MAML3: variants seen among roughly 807,000 people sequenced by gnomAD.
The protein encoded by MAML3 is mastermind-like protein 3.
A neutral mutation model predicts 101.9 loss-of-function variants in MAML3; 27 were observed. The observed-to-expected ratio is 0.27, with a 90% confidence interval of 0.20 to 0.37. The LOEUF (loss-of-function observed/expected upper bound fraction) is 0.37, where lower values mean the gene tolerates loss of function less well. Among genes scored for constraint, MAML3 ranks in the 10% least tolerant of loss-of-function variants. The pLI, the probability that MAML3 is intolerant of heterozygous loss-of-function variation, is 1.00. For synonymous variants in MAML3, 501 were observed against 555.9 expected (o/e 0.90, Z 1.39); for missense variants, 1,316 against 1,444.9 (o/e 0.91, Z 1.45).
At chr4:139,754,015 A>C (rs1729590176) in intron 2 of MAML3, among the ~76,000 whole-genome samples, 1 of 152,246 alleles carries the variant, frequency 6.6e-6, no homozygotes, top group Admixed American at 6.5e-5. Context: ...AATTAATACT[A>C]CCTACTATGC....
intron 2 of MAML3, among the ~76,000 whole-genome samples, chr4:139,779,246 G>A (rs1320439255): frequency 1.3e-5 from 2 of 152,020 alleles, no homozygotes; most frequent in East Asian, 1.9e-4. Context: ...GTCTTTGGGG[G>A]GGCTCTATAA....
chr4:139,877,238 G>A lies in MAML3; in HGVS notation c.2079+12119C>T, dbSNP rs60131863. Among the ~76,000 whole-genome samples, 179 of 152,122 alleles carry A rather than the reference G, an allele frequency of 1.2e-3. 1 individual carries two copies. Among genetic ancestry groups the A allele is most frequent in the Middle Eastern group, 3.4e-3 (1 of 294 alleles). On this transcript the variant is annotated intron_variant, in intron 2 of 4. Coordinates refer to ENST00000509479, the MANE Select transcript of MAML3 (RefSeq NM_018717.5). Reference sequence around the variant, plus strand: ...TTTTGATTCTCTATGTACTAGATCCGCTGCAAACCATTTGTTGTCATAAAG... The same window carrying A: ...TTTTGATTCTCTATGTACTAGATCCACTGCAAACCATTTGTTGTCATAAAG...
chr4:139,905,940 C>T (rs1461254153), intron 1 of MAML3, among the ~76,000 whole-genome samples: 1 of 152,146 alleles, frequency 6.6e-6, no homozygotes, highest in Non-Finnish European at 1.5e-5. Context: ...TGAGAGGACA[C>T]AACTCAGCCC....
At chr4:139,772,062 A>G (rs977701651) in intron 2 of MAML3, among the ~76,000 whole-genome samples, 3 of 150,828 alleles carry the variant, frequency 2.0e-5, no homozygotes, top group African/African-American at 7.3e-5. Context: ...ACACGGTGAA[A>G]CCCCCGTCTC....
Position 140,128,448 on chromosome 4 carries a change from C to T in MAML3, c.468+24412G>A, listed in dbSNP as rs147468068. ...ATCCAAAGTACTATTTCAGACCCAG[C>T]AGCACCCCTGCCTTTAAGGAGCCCC... On this transcript the variant is annotated intron_variant, in intron 1 of 4. Transcript: ENST00000509479. Among the ~76,000 whole-genome samples the T allele has an allele frequency of 2.0e-5, 3 of 152,322 alleles. No homozygotes were observed. In the East Asian group the frequency reaches 5.8e-4, roughly 29 times the overall value.
intron 2 of MAML3, among the ~76,000 whole-genome samples, chr4:139,787,719 TTAAATTA>T (rs930500637): frequency 6.6e-6 from 1 of 152,226 alleles, no homozygotes; most frequent in Non-Finnish European, 1.5e-5. Context: ...ACCATGACTC[TTAAATTA>T]TTTTACTATG....
At chr4:139,858,558 A>C (rs1731709938) in intron 2 of MAML3, among the ~76,000 whole-genome samples, 1 of 151,958 alleles carries the variant, frequency 6.6e-6, no homozygotes, top group Admixed American at 6.6e-5. Flanking sequence ...TTGAATGCTA[A>C]GACCATGTCA....
intron 1 of MAML3, among the ~76,000 whole-genome samples, chr4:140,092,684 G>T (rs529249660): frequency 6.6e-6 from 1 of 152,158 alleles, no homozygotes; most frequent in Non-Finnish European, 1.5e-5. Flanking sequence ...AGAAAACACC[G>T]GGAGGAGAGC....
At chr4:139,725,641 G>C in intron 4 of MAML3, 110 bp downstream of exon 4, 3 of 1,037,986 alleles carry the variant, frequency 2.9e-6, no homozygotes, top group Non-Finnish European at 4.4e-6. Flanking sequence ...TACATATTTT[G>C]AGTATTTCCT....
intron 1 of MAML3, among the ~76,000 whole-genome samples, chr4:140,050,402 A>T (rs1727247695): frequency 6.6e-6 from 1 of 151,870 alleles, no homozygotes; most frequent in Non-Finnish European, 1.5e-5. Context: ...ACAAAGCCCA[A>T]CACTCTGGAG....
intron 1 of MAML3, among the ~76,000 whole-genome samples, chr4:139,926,070 C>G (rs545788380): frequency 4.7e-4 from 71 of 152,238 alleles, no homozygotes; most frequent in Non-Finnish European, 8.7e-4. Flanking sequence ...AGGATTCAGA[C>G]AGAGCTGTAT....
chr4:140,083,959 CACACACACAGAGAGAGAG>C (rs1488846408), intron 1 of MAML3, among the ~76,000 whole-genome samples: 27 of 29,186 alleles, frequency 9.3e-4, no homozygotes, highest in African/African-American at 2.5e-3. Flanking sequence ...CACACACACA[CACACACACAGAGAGAGAG>C]AGAGAGAGAG....
At chr4:139,886,976 T>A (rs1732353501) in intron 2 of MAML3, among the ~76,000 whole-genome samples, 2 of 152,218 alleles carry the variant, frequency 1.3e-5, no homozygotes, top group African/African-American at 4.8e-5. Context: ...GCTGCTGAAG[T>A]CATTCATTAA....
At chr4:139,828,122 T>C (rs1180346687) in intron 2 of MAML3, among the ~76,000 whole-genome samples, 1 of 152,256 alleles carries the variant, frequency 6.6e-6, no homozygotes, top group East Asian at 1.9e-4. Context: ...TGTAGGTTCC[T>C]ACATACAATT....
At chr4:139,927,280 T>C (rs1158582433) in intron 1 of MAML3, among the ~76,000 whole-genome samples, 2 of 152,142 alleles carry the variant, frequency 1.3e-5, no homozygotes, top group Non-Finnish European at 2.9e-5. Flanking sequence ...ATAAAAATGA[T>C]GTTGTGTCCT....
At chr4:139,833,060 T>A (rs909686754) in intron 2 of MAML3, among the ~76,000 whole-genome samples, 6 of 152,258 alleles carry the variant, frequency 3.9e-5, no homozygotes, top group Non-Finnish European at 7.3e-5. Context: ...GTATCACCTT[T>A]TCTGTTGTGA....
intron 1 of MAML3, among the ~76,000 whole-genome samples, chr4:139,952,908 G>A (rs140707399): frequency 6.6e-6 from 1 of 152,318 alleles, no homozygotes; most frequent in African/African-American, 2.4e-5. Context: ...GAGCTACAAG[G>A]TGGAAGGAGC....
intron 1 of MAML3, among the ~76,000 whole-genome samples, chr4:139,929,283 A>G (rs1733330982): frequency 1.3e-5 from 2 of 152,248 alleles, no homozygotes; most frequent in African/African-American, 4.8e-5. Flanking sequence ...TACACTAAAA[A>G]GCAAAATGAA....
intron 1 of MAML3, among the ~76,000 whole-genome samples, chr4:139,914,960 T>A (rs960384466): frequency 1.3e-5 from 2 of 151,610 alleles, no homozygotes; most frequent in Non-Finnish European, 2.9e-5. Flanking sequence ...AGTCAGGTTT[T>A]TTTTTCTCTG....
Sources: allele counts gnomAD v4.1 joint callset (sites outside exome capture counted in the v4.1 genomes callset), GRCh38; gene constraint gnomAD v4.1.1; transcripts MANE v1.5; gene names NCBI Gene and HGNC (gene_info 2026-07-23, HGNC 2026-07-21).